SLCO1C1: variants seen among roughly 807,000 people sequenced by gnomAD.
The protein encoded by SLCO1C1 is solute carrier organic anion transporter family member 1C1, also known as OAT-RP-5.
SLCO1C1 carries 70 observed loss-of-function variants against 76.4 expected under a neutral mutation model. The observed-to-expected ratio is 0.92, with a 90% confidence interval of 0.76 to 1.12. SLCO1C1 has a LOEUF of 1.12. Ranked by LOEUF, SLCO1C1 falls within the 50% of genes most tolerant of loss-of-function variation. The pLI, the probability that SLCO1C1 is intolerant of heterozygous loss-of-function variation, is 0.00. For missense variants in SLCO1C1, 912 were observed against 823.8 expected (o/e 1.11, Z -1.31); for synonymous variants, 306 against 286.1 (o/e 1.07, Z -0.70).
chr12:20,731,878 C>G (rs1948286288), intron 9 of SLCO1C1, among the ~76,000 whole-genome samples: 1 of 146,164 alleles, frequency 6.8e-6, no homozygotes, highest in Non-Finnish European at 1.5e-5. Context: ...TTTTTTTTTA[C>G]TAAACATTGT....
At chr12:20,717,297 G>T in intron 7 of SLCO1C1, 67 bp downstream of exon 7, 1 of 1,270,088 alleles carries the variant, frequency 7.9e-7, no homozygotes, top group Non-Finnish European at 1.1e-6. Context: ...TGGGAACAGT[G>T]TGGAAATTAT....
chr12:20,725,306 A>G (rs1947922152), intron 9 of SLCO1C1, among the ~76,000 whole-genome samples: 1 of 135,356 alleles, frequency 7.4e-6, no homozygotes, highest in African/African-American at 2.7e-5. Flanking sequence ...AATATATTAT[A>G]GCATATTACA....
intron 5 of SLCO1C1, among the ~76,000 whole-genome samples, chr12:20,713,172 C>T (rs1033341463): frequency 9.3e-5 from 14 of 151,194 alleles, no homozygotes; most frequent in South Asian, 6.3e-4. Context: ...CTCCGCCTCC[C>T]GGGTTCACGC....
intron 7 of SLCO1C1, among the ~76,000 whole-genome samples, chr12:20,719,541 A>G (rs1947550269): frequency 6.6e-6 from 1 of 152,226 alleles, no homozygotes; most frequent in Non-Finnish European, 1.5e-5. Flanking sequence ...TATAAAAGTG[A>G]TACTCCAGTA....
At chr12:20,737,895 T>C (rs1031374248) in intron 11 of SLCO1C1, among the ~76,000 whole-genome samples, 2 of 152,146 alleles carry the variant, frequency 1.3e-5, no homozygotes, top group East Asian at 3.9e-4. Flanking sequence ...AAATATACCA[T>C]AGAATGGGTG....
intron 10 of SLCO1C1, among the ~76,000 whole-genome samples, chr12:20,736,336 T>TA (rs2120850331): frequency 6.9e-6 from 1 of 144,848 alleles, no homozygotes; most frequent in Admixed American, 7.0e-5. Flanking sequence ...AAACCAATTT[T>TA]GGGGGGGGGT....
intron 4 of SLCO1C1, among the ~76,000 whole-genome samples, chr12:20,710,024 C>A (rs900629887): frequency 6.6e-6 from 1 of 151,140 alleles, no homozygotes; most frequent in African/African-American, 2.4e-5. Context: ...TTCTCTTAAG[C>A]ATTCACATAA....
chr12:20,743,083 A>G (rs1024834480), intron 12 of SLCO1C1, among the ~76,000 whole-genome samples: 3 of 152,178 alleles, frequency 2.0e-5, no homozygotes, highest in South Asian at 2.1e-4. Flanking sequence ...TGGGTGATGT[A>G]GTTTCTAGAA....
At chr12:20,702,045 G>T (rs755960527) in intron 3 of SLCO1C1, among the ~76,000 whole-genome samples, 1 of 151,856 alleles carries the variant, frequency 6.6e-6, no homozygotes, top group East Asian at 1.9e-4. Flanking sequence ...TAAAAAGATC[G>T]AGTAATTTGA....
chr12:20,726,650 AG>A (rs1327329712), intron 9 of SLCO1C1, among the ~76,000 whole-genome samples: 2 of 152,144 alleles, frequency 1.3e-5, no homozygotes, highest in Non-Finnish European at 2.9e-5. Flanking sequence ...AAATTTGGAT[AG>A]GCAGCTAGAT....
chr12:20,730,611 C>T (rs776475019), intron 9 of SLCO1C1, among the ~76,000 whole-genome samples: 3 of 152,138 alleles, frequency 2.0e-5, no homozygotes, highest in Non-Finnish European at 4.4e-5. Context: ...TTGCCATACC[C>T]AGCAACCTCA....
chr12:20,739,917 G>A (rs901629811), intron 11 of SLCO1C1, among the ~76,000 whole-genome samples: 2 of 152,168 alleles, frequency 1.3e-5, no homozygotes, highest in African/African-American at 4.8e-5. Flanking sequence ...AGCGAAGGAG[G>A]TAAGGTATGG....
chr12:20,743,951 AT>A (rs1474530077), intron 13 of SLCO1C1, among the ~76,000 whole-genome samples: 2 of 151,964 alleles, frequency 1.3e-5, no homozygotes, highest in Non-Finnish European at 2.9e-5. Context: ...CAAAGTTTTT[AT>A]CCTTAAAGAG....
rs756283598 is a variant in SLCO1C1 at position 20,750,779 on chromosome 12, T to A, written c.1903T>A (p.Ser635Thr). The A allele has an allele frequency of 1.9e-6, 3 of 1,614,002 alleles. No individual in the cohort carries two copies. In the South Asian group the frequency reaches 3.3e-5, roughly 18 times the overall value. Reference sequence around the variant, plus strand: ...TAGAGGATCATGCAGATTATATGATTCAAATGTCTTCAGGTACCAAATCAA... The same window carrying A: ...TAGAGGATCATGCAGATTATATGATACAAATGTCTTCAGGTACCAAATCAA... ...GSRGSCRLYD[S>T]NVFRHIYLGL... Residue 635 changes from serine (S) to threonine (T), a missense_variant, in exon 14 of 15, where the codon TCA becomes ACA. By Grantham distance (58) the Ser-to-Thr change is moderately conservative. Transcript: ENST00000266509.
At position 20,709,698 on chromosome 12, in the gene SLCO1C1, G is replaced by A. The variant is rs1946969016; in HGVS notation, c.405-1688G>A. ...AGATCGAGACCATCCTGGCTAACAA[G>A]GTGAAACCCCGTCTCTACTAAAAAT... On this transcript the variant is annotated intron_variant, in intron 4 of 14. Transcript: ENST00000266509. Among the ~76,000 whole-genome samples, 2 of 20,172 alleles carry A rather than the reference G, an allele frequency of 9.9e-5. 1 individual carries two copies. The highest frequency in any genetic ancestry group is 2.8e-4 in the African/African-American group (2 of 7,172). The allele number at this position is 20,172 out of a possible 152,430, so 13.2% of individuals were successfully genotyped here.
intron 11 of SLCO1C1, 40 bp from the exon 12 acceptor site, chr12:20,740,144 T>C (rs1948735688): frequency 6.5e-7 from 1 of 1,530,858 alleles, no homozygotes. Context: ...TTTATTTAAA[T>C]GTTACTGAAA....
intron 11 of SLCO1C1, 82 bp from the exon 12 acceptor site, chr12:20,740,102 C>T (rs536123768): frequency 1.0e-4 from 132 of 1,317,572 alleles, no homozygotes; most frequent in East Asian, 1.4e-4. Context: ...TGCATGGCTA[C>T]GGTAAACATT....
intron 7 of SLCO1C1, among the ~76,000 whole-genome samples, chr12:20,720,521 G>C (rs1288293727): frequency 6.6e-6 from 1 of 152,178 alleles, no homozygotes; most frequent in Non-Finnish European, 1.5e-5. Flanking sequence ...CAATTCATAG[G>C]AGGAGGTCAA....
rs1199600965 is a variant in SLCO1C1, at chr12:20,740,662, GATA to G, written c.1733+303_1733+305del. On this transcript the variant is annotated intron_variant, in intron 12 of 14. Coordinates refer to ENST00000266509, the MANE Select transcript of SLCO1C1 (RefSeq NM_017435.5). ...ACAGTATCCTACTTCTAACGCTGGT[GATA>G]ATAATAATTAGCATAGGTAACATGC... 2.0e-5 allele frequency among the ~76,000 whole-genome samples: 3 copies of G among 150,852 alleles called. No homozygotes were observed. The East Asian group carries it at 5.9e-4, about 29-fold the overall frequency.
Sources: allele counts gnomAD v4.1 joint callset (sites outside exome capture counted in the v4.1 genomes callset), GRCh38; gene constraint gnomAD v4.1.1; transcripts MANE v1.5; gene names NCBI Gene and HGNC (gene_info 2026-07-23, HGNC 2026-07-21).